The following ATP13A2 variants were observed in gnomAD, a reference collection of about 807,000 sequenced individuals.
ATP13A2 encodes the protein polyamine-transporting ATPase 13A2.
A neutral mutation model predicts 138.3 loss-of-function variants in ATP13A2; 83 were observed. The observed-to-expected ratio is 0.60, with a 90% CI of 0.50 to 0.72. ATP13A2 has a LOEUF of 0.72. ATP13A2 is among the 30% of genes least tolerant of loss of function. The pLI, the probability that ATP13A2 is intolerant of heterozygous loss-of-function variation, is 0.00. For synonymous variants in ATP13A2, 663 were observed against 699.0 expected, an observed-to-expected ratio of 0.95 and a Z score of 0.81; for missense variants, 1,402 against 1,606.4, an observed-to-expected ratio of 0.87 and a Z score of 2.17.
chr1:16,999,762 G>C (rs985661617), intron 11 of ATP13A2, among the ~76,000 whole-genome samples: 1 of 152,092 alleles, frequency 6.6e-6, no homozygotes, highest in Non-Finnish European at 1.5e-5. Context: ...TTAGCTGGGC[G>C]TGATGGTATG....
Position 17,011,816 on chromosome 1 carries a change from G to T in ATP13A2, c.-78C>A. 8.7e-7 allele frequency: 1 copy of T among 1,148,442 alleles called. No individual in the cohort carries two copies. The highest frequency in any genetic ancestry group is 1.1e-6 in the Non-Finnish European group (1 of 939,512). 71.1% of individuals were successfully genotyped at this position (1,148,442 alleles called of 1,614,324 possible). A position where few individuals can be genotyped will look rare whatever the true frequency, so the allele number is the denominator to read the frequency against. On this transcript the variant is annotated 5_prime_UTR_variant, in exon 1 of 29. Coordinates refer to ENST00000326735, the MANE Select transcript of ATP13A2 (RefSeq NM_022089.4). This position sits in a 1 kb window ranked among gnomAD's most constrained non-coding sequence, Gnocchi z 7.3. ...CCCCGGCGTGCGCAAGGCCCTGGGC[G>T]GGGGCGCGGTCCGGACGGCCCGGGG... is the stretch of plus-strand genomic sequence containing the variant.
At position 16,986,759 on chromosome 1, in the gene ATP13A2, C is replaced by T; in HGVS notation, c.3235+46G>A. On this transcript the variant is annotated intron_variant, in intron 27 of 28. Coordinates refer to ENST00000326735, the MANE Select transcript of ATP13A2 (RefSeq NM_022089.4). The surrounding 1 kb of genome is among the most constrained non-coding windows in gnomAD (Gnocchi z 6.9). Reference sequence around the variant, plus strand: ...TCTGCCTCCCCAGCACCCCAGGGCTCCTCCCTCCCTCCGCCAGCATCTCCC... The same window carrying T: ...TCTGCCTCCCCAGCACCCCAGGGCTTCTCCCTCCCTCCGCCAGCATCTCCC... 1.1e-6 allele frequency: 1 copy of T among 907,688 alleles called. No individual in the cohort carries two copies. The highest frequency in any genetic ancestry group is 1.5e-6 in the Non-Finnish European group (1 of 686,602). 56.2% of individuals were successfully genotyped at this position (907,688 alleles called of 1,614,324 possible).
Position 17,000,153 on chromosome 1 carries a change from G to A in ATP13A2, c.908-11C>T. On this transcript the variant is annotated splice_polypyrimidine_tract_variant and intron_variant, in intron 10 of 28. Coordinates refer to ENST00000326735, the MANE Select transcript of ATP13A2 (RefSeq NM_022089.4). ...CCACCCACTCTTCCTCTGCAGGCAGGCAGGAGAGGAGCTCAGCTAGGTGGG... is the reference window on the plus strand; with the variant it reads ...CCACCCACTCTTCCTCTGCAGGCAGACAGGAGAGGAGCTCAGCTAGGTGGG... 6.2e-7 allele frequency: 1 copy of A among 1,612,998 alleles called. No homozygotes were observed. The highest frequency in any genetic ancestry group is 1.1e-5 in the South Asian group (1 of 91,068).
intron 11 of ATP13A2, among the ~76,000 whole-genome samples, chr1:16,998,006 A>G (rs1210638913): frequency 6.6e-6 from 1 of 152,222 alleles, no homozygotes; most frequent in Non-Finnish European, 1.5e-5. Flanking sequence ...CAGGCTGCCT[A>G]GCAAACAGTG....
rs747707072 is a variant in ATP13A2, at chr1:16,990,297, A to AC, written c.2252-11_2252-10insG. 1.2e-6 allele frequency: 2 copies of AC among 1,613,864 alleles called. No individual in the cohort carries two copies. The highest frequency in any genetic ancestry group is 3.3e-5 in the Admixed American group (2 of 60,008). On this transcript the variant is annotated splice_polypyrimidine_tract_variant and intron_variant, in intron 20 of 28. Transcript: ENST00000326735. ...GTCTGCAGGTTGTCCCCTGGGGGTT[A>AC]TGGGGCAAGGTGAGGGTCTGAGGCT...
Position 16,997,415 on chromosome 1 carries a change from G to A in ATP13A2, c.1040-240C>T, listed in dbSNP as rs373248114. 4.2e-5 allele frequency among the ~76,000 whole-genome samples: 5 copies of A among 120,080 alleles called. 1 individual carries two copies. The highest frequency in any genetic ancestry group is 2.4e-4 in the Admixed American group (3 of 12,410). 78.8% of individuals were successfully genotyped at this position (120,080 alleles called of 152,430 possible). ...TGGCAGCCAGCTCCCTGGAACCAGC[G>A]GGGGGGGGTGGGTCAGACAGAGCAT... On this transcript the variant is annotated intron_variant, in intron 11 of 28. Coordinates refer to ENST00000326735, the MANE Select transcript of ATP13A2 (RefSeq NM_022089.4).
rs1570823082 is a variant in ATP13A2 at position 16,996,141 on chromosome 1, G to A, written c.1377C>T (p.Ile459=). ...RNRVPLNEIV[I]RALDLVTVVV... is the part of the protein sequence containing the mutation. ...CCACGGTCACCAGGTCGAGAGCCCG[G>A]ATTACAATCTCATTCAGAGGCACCT... Residue 459 remains isoleucine, a synonymous_variant, in exon 15 of 29, where the codon ATC becomes ATT. Transcript: ENST00000326735. 6.2e-7 allele frequency: 1 copy of A among 1,613,980 alleles called. No homozygotes were observed. Among genetic ancestry groups the A allele is most frequent in the African/African-American group, 1.3e-5 (1 of 74,948 alleles).
chr1:17,008,488 T>C lies in ATP13A2; in HGVS notation c.11-2710A>G, dbSNP rs187410294. ...GGGAGGTAGAAGCATTTGAAGTTCCTGGGGGGGTTGCGTGGACAGGTGGGC... is the reference window on the plus strand; with the variant it reads ...GGGAGGTAGAAGCATTTGAAGTTCCCGGGGGGGTTGCGTGGACAGGTGGGC... On this transcript the variant is annotated intron_variant, in intron 1 of 28. Transcript: ENST00000326735. Among the ~76,000 whole-genome samples, 519 of 152,224 alleles carry C rather than the reference T, an allele frequency of 3.4e-3. 6 individuals carry two copies. The highest frequency in any genetic ancestry group is 0.012 in the African/African-American group (501 of 41,538).
At chr1:17,000,799 T>C in intron 8 of ATP13A2, 1 of 449,714 alleles carries the variant, frequency 2.2e-6, no homozygotes, top group Admixed American at 3.6e-5. Context: ...AAAATTAGCC[T>C]GATGGGGTGG....
chr1:16,991,615 C>G, intron 20 of ATP13A2, 119 bp downstream of exon 20: 1 of 1,447,882 alleles, frequency 6.9e-7, no homozygotes, highest in Non-Finnish European at 9.7e-7. Context: ...TTAAAAAGGA[C>G]CTGGCCTGAA....
intron 1 of ATP13A2, among the ~76,000 whole-genome samples, chr1:17,006,204 CCTGTGT>C (rs1226181175): frequency 1.3e-5 from 2 of 152,084 alleles, no homozygotes; most frequent in Non-Finnish European, 2.9e-5. Context: ...CTCATGTCTT[CCTGTGT>C]CCTTTATCTG....
chr1:16,992,161 G>A, intron 18 of ATP13A2, 32 bp from the exon 19 acceptor site: 1 of 1,611,984 alleles, frequency 6.2e-7, no homozygotes, highest in Non-Finnish European at 8.5e-7. Context: ...CACAAGGAGG[G>A]GATGGCAGGG....
chr1:16,993,467 G>A (rs554039003), intron 16 of ATP13A2, among the ~76,000 whole-genome samples, 162 bp downstream of exon 16: 1 of 152,308 alleles, frequency 6.6e-6, no homozygotes, highest in African/African-American at 2.4e-5. Flanking sequence ...CTCCCAAAGC[G>A]CCGGGAGCCA....
rs1405972241 is a variant in ATP13A2, at chr1:17,000,035, T to C, written c.1015A>G (p.Met339Val). The change falls in exon 11 of 29, where the codon ATG becomes GTG. Residue 339 changes from methionine to valine, a missense_variant. By Grantham distance (21) the Met-to-Val change is conservative. Transcript: ENST00000326735. ...CCTGTCAGAGAGCTCTCATTCACCA[T>C]GCACTCGCCGGCCACCAGGGCGGCA... ...CDAALVAGEC[M>V]VNESSLTGES... 3.7e-6 allele frequency: 6 copies of C among 1,611,928 alleles called. No homozygotes were observed. Among genetic ancestry groups the C allele is most frequent in the Non-Finnish European group, 5.1e-6 (6 of 1,179,236 alleles).
Position 16,989,947 on chromosome 1 carries a change from C to T in ATP13A2, c.2469G>A (p.Leu823=). 6.2e-7 allele frequency: 1 copy of T among 1,604,538 alleles called. No individual in the cohort carries two copies. Among genetic ancestry groups the T allele is most frequent in the Non-Finnish European group, 8.5e-7 (1 of 1,175,496 alleles). ...TACCAAAGGTGGGCCCGCTGAGGGCCAGGTGCCTGGATCGGGGGTCTGGCT... is the reference window on the plus strand; with the variant it reads ...TACCAAAGGTGGGCCCGCTGAGGGCTAGGTGCCTGGATCGGGGGTCTGGCT... The part of the protein sequence containing the change: ...TVEPDPRSRH[L]ALSGPTFGII... Residue 823 remains leucine, a synonymous_variant, in exon 22 of 29, where the codon CTG becomes CTA. Coordinates refer to ENST00000326735, the MANE Select transcript of ATP13A2 (RefSeq NM_022089.4).
chr1:17,000,455 C>T lies in ATP13A2; in HGVS notation c.785G>A (p.Cys262Tyr), dbSNP rs758542769. 1.2e-6 allele frequency: 2 copies of T among 1,613,962 alleles called. No homozygotes were observed. Among genetic ancestry groups the T allele is most frequent in the African/African-American group, 2.7e-5 (2 of 74,888 alleles). ...LADHYYWYAL[C>Y]IFLISSISIC... ...GGAGATGGAGGAAATGAGGAAGATGCACAGGGCGTACCAGTAGTAGTGGTC... is the reference window on the plus strand; with the variant it reads ...GGAGATGGAGGAAATGAGGAAGATGTACAGGGCGTACCAGTAGTAGTGGTC... Residue 262 changes from cysteine (C) to tyrosine (Y), a missense_variant, in exon 9 of 29, where the codon TGC (cysteine) becomes TAC (tyrosine). Coordinates refer to ENST00000326735, the MANE Select transcript of ATP13A2 (RefSeq NM_022089.4).
chr1:16,988,123 T>A lies in ATP13A2; in HGVS notation c.2859+15A>T. 2 of 1,610,578 alleles carry A rather than the reference T, an allele frequency of 1.2e-6. No individual in the cohort carries two copies. Among genetic ancestry groups the A allele is most frequent in the South Asian group, 2.2e-5 (2 of 90,954 alleles). On this transcript the variant is annotated intron_variant, in intron 25 of 28. Coordinates refer to ENST00000326735, the MANE Select transcript of ATP13A2 (RefSeq NM_022089.4). ...CCTGGGACGGCTCTGGGTACGGAGCTCTGCAGATACTCACCGTGTAGAGGA... is the reference window on the plus strand; with the variant it reads ...CCTGGGACGGCTCTGGGTACGGAGCACTGCAGATACTCACCGTGTAGAGGA...
At chr1:17,000,219 C>T (rs748053610) in intron 10 of ATP13A2, 27 bp downstream of exon 10, 2 of 1,554,432 alleles carry the variant, frequency 1.3e-6, no homozygotes, top group South Asian at 1.2e-5. Context: ...CACTCCTGCC[C>T]CCGCCCCCTG....
chr1:17,004,207 C>T lies in ATP13A2; in HGVS notation c.557+125G>A. ...GCCTGGAGGGGCTCAGTAACCTGCC[C>T]AAGGTTTCAGACAGCAAAAGCATCA... On this transcript the variant is annotated intron_variant, in intron 6 of 28. Coordinates refer to ENST00000326735, the MANE Select transcript of ATP13A2 (RefSeq NM_022089.4). The surrounding 1 kb of genome is among the most constrained non-coding windows in gnomAD (Gnocchi z 4.1). 1 of 1,028,012 alleles carries T rather than the reference C, an allele frequency of 9.7e-7. No homozygotes were observed. The highest frequency in any genetic ancestry group is 1.5e-6 in the Non-Finnish European group (1 of 672,254). The allele number at this position is 1,028,012 out of a possible 1,614,324, so 63.7% of individuals were successfully genotyped here.
Sources: gnomAD v4.1 joint callset for allele counts (sites outside exome capture counted in the v4.1 genomes callset) on GRCh38, gnomAD v4.1.1 for gene constraint, Gnocchi (gnomAD v3.1) non-coding constraint, MANE v1.5 for transcripts, NCBI Gene and HGNC (gene_info 2026-07-23, HGNC 2026-07-21) for gene names.